Variants in SYNPR observed in about 807,000 individuals in gnomAD.
The protein encoded by SYNPR is synaptoporin.
SYNPR carries 23 observed loss-of-function variants against 32.9 expected under a neutral mutation model. That is an observed-to-expected ratio of 0.70 (90% CI 0.50 to 0.99). The LOEUF is 0.99. Ranked by LOEUF, SYNPR falls within the 50% of genes least tolerant of loss-of-function variation. The probability of loss-of-function intolerance (pLI) is 0.00; values close to 1 mark genes in which losing one functional copy is unlikely to be tolerated. For missense variants in SYNPR, 318 were observed against 349.3 expected (o/e 0.91, Z 0.71); for synonymous variants, 146 against 135.9 (o/e 1.07, Z -0.52).
rs577953513 is a variant in SYNPR at position 63,278,566 on chromosome 3, G to A, written c.18+15G>A. 4 of 1,551,044 alleles carry A rather than the reference G, an allele frequency of 2.6e-6. No homozygotes were observed. The highest frequency in any genetic ancestry group is 3.5e-6 in the Non-Finnish European group (4 of 1,146,526). On this transcript the variant is annotated intron_variant, in intron 1 of 5. Transcript: ENST00000478300. ...CTGTGAGTCAGGTGAGACAGAACTGGGCAGGGCGGCTGGCTGGGAGCAGGG... is the reference window on the plus strand; with the variant it reads ...CTGTGAGTCAGGTGAGACAGAACTGAGCAGGGCGGCTGGCTGGGAGCAGGG...
At chr3:63,355,669 C>T (rs2087567201) in intron 2 of SYNPR, among the ~76,000 whole-genome samples, 1 of 152,068 alleles carries the variant, frequency 6.6e-6, no homozygotes, top group South Asian at 2.1e-4. Flanking sequence ...CATGCCCTCC[C>T]ATTCTCCGTC....
At chr3:63,595,996 T>C (rs1699954160) in intron 4 of SYNPR, among the ~76,000 whole-genome samples, 1 of 133,750 alleles carries the variant, frequency 7.5e-6, no homozygotes, top group Non-Finnish European at 1.5e-5. Flanking sequence ...TATAGTTTTA[T>C]ATATATATAT....
At chr3:63,468,849 T>G (rs1271482431) in intron 2 of SYNPR, among the ~76,000 whole-genome samples, 1 of 152,118 alleles carries the variant, frequency 6.6e-6, no homozygotes, top group African/African-American at 2.4e-5. Context: ...ATTCTGATAA[T>G]GGATGCTGTG....
the SYNPR span, among the ~76,000 whole-genome samples, chr3:63,218,527 A>G: frequency 1.4e-4 from 21 of 152,180 alleles, no homozygotes; most frequent in Non-Finnish European, 2.5e-4. Flanking sequence ...CAATCTCTTT[A>G]TAATTCTGAA....
intron 2 of SYNPR, among the ~76,000 whole-genome samples, chr3:63,371,665 GC>G (rs1027986286): frequency 6.6e-6 from 1 of 152,222 alleles, no homozygotes; most frequent in African/African-American, 2.4e-5. Flanking sequence ...CAGCACAGCT[GC>G]CCCACAGAGA....
intron 2 of SYNPR, among the ~76,000 whole-genome samples, chr3:63,410,573 T>G (rs186735507): frequency 1.1e-4 from 16 of 152,272 alleles, no homozygotes; most frequent in Non-Finnish European, 2.4e-4. Context: ...TTGGTCATGT[T>G]TTCCCTCATG....
At chr3:63,498,243 C>T (rs1387216413) in intron 3 of SYNPR, among the ~76,000 whole-genome samples, 2 of 152,068 alleles carry the variant, frequency 1.3e-5, no homozygotes, top group African/African-American at 2.4e-5. Flanking sequence ...AATTTATCAG[C>T]CAGTCAATAA....
At chr3:63,446,287 T>G (rs1420104773) in intron 2 of SYNPR, among the ~76,000 whole-genome samples, 2 of 151,900 alleles carry the variant, frequency 1.3e-5, no homozygotes, top group African/African-American at 4.8e-5. Context: ...CATGTTTTTT[T>G]TTTTTTTTTA....
At chr3:63,398,475 C>T (rs980514873) in intron 2 of SYNPR, among the ~76,000 whole-genome samples, 2 of 151,954 alleles carry the variant, frequency 1.3e-5, no homozygotes, top group South Asian at 2.1e-4. Context: ...AATCCCAGCA[C>T]TTTGGGAGGC....
chr3:63,397,492 C>T (rs2107095620), intron 2 of SYNPR, among the ~76,000 whole-genome samples: 1 of 152,298 alleles, frequency 6.6e-6, no homozygotes, highest in South Asian at 2.1e-4. Flanking sequence ...ATTCCTCCTG[C>T]ATTCTCCTTT....
intron 3 of SYNPR, among the ~76,000 whole-genome samples, chr3:63,533,925 C>G (rs1440018348): frequency 1.3e-5 from 2 of 152,170 alleles, no homozygotes; most frequent in African/African-American, 4.8e-5. Flanking sequence ...TTTTGGCAAC[C>G]AAAGCACTGA....
intron 2 of SYNPR, among the ~76,000 whole-genome samples, chr3:63,332,974 C>T (rs1335062214): frequency 1.3e-5 from 2 of 152,010 alleles, no homozygotes; most frequent in African/African-American, 2.4e-5. Context: ...GCCCCATCTC[C>T]GCCACCAGTT....
chr3:63,293,628 T>G (rs1379964595), intron 2 of SYNPR, among the ~76,000 whole-genome samples: 1 of 152,206 alleles, frequency 6.6e-6, no homozygotes, highest in African/African-American at 2.4e-5. Flanking sequence ...AGTCTGAGAT[T>G]AAAGTGCCAG....
chr3:63,249,244 T>C (rs562723489), intron 1 of SYNPR, among the ~76,000 whole-genome samples: 104 of 152,270 alleles, frequency 6.8e-4, no homozygotes, highest in Non-Finnish European at 1.2e-3. Flanking sequence ...CAAGAGATCA[T>C]ATTTTCAGCT....
chr3:63,363,774 A>G, intron 2 of SYNPR, among the ~76,000 whole-genome samples: 1 of 152,294 alleles, frequency 6.6e-6, no homozygotes, highest in East Asian at 1.9e-4. Context: ...TCTAGATACT[A>G]AGAACACAAC....
the SYNPR span, among the ~76,000 whole-genome samples, chr3:63,204,204 G>A: frequency 2.0e-5 from 3 of 152,156 alleles, no homozygotes; most frequent in Admixed American, 1.3e-4. Context: ...CAACACAAAT[G>A]TATTTCCTCA....
chr3:63,567,057 A>G (rs1483373148), intron 4 of SYNPR, among the ~76,000 whole-genome samples: 1 of 152,118 alleles, frequency 6.6e-6, no homozygotes, highest in South Asian at 2.1e-4. Context: ...GTTCTTCTAT[A>G]TTATTTTTTG....
At chr3:63,471,951 C>T (rs894578213) in intron 2 of SYNPR, among the ~76,000 whole-genome samples, 7 of 152,146 alleles carry the variant, frequency 4.6e-5, no homozygotes, top group Non-Finnish European at 8.8e-5. Flanking sequence ...TTGGCATAAC[C>T]TACTCACATC....
intron 2 of SYNPR, among the ~76,000 whole-genome samples, chr3:63,333,388 T>C (rs1575601024): frequency 6.6e-6 from 1 of 151,058 alleles, no homozygotes; most frequent in East Asian, 1.9e-4. Context: ...AAGGAAAGGA[T>C]AAAACCGATG....
Sources: allele counts gnomAD v4.1 joint callset (sites outside exome capture counted in the v4.1 genomes callset), GRCh38; gene constraint gnomAD v4.1.1; transcripts MANE v1.5; gene names NCBI Gene and HGNC (gene_info 2026-07-23, HGNC 2026-07-21).